The following ATG7 variants were observed in gnomAD, a reference collection of about 807,000 sequenced individuals.
ATG7 encodes autophagy related 7.
In ATG7, 70 loss-of-function variants were observed where a neutral mutation model predicts 82.4. The observed-to-expected ratio is 0.85, with a 90% confidence interval of 0.70 to 1.04. The LOEUF (loss-of-function observed/expected upper bound fraction) is 1.04. Ranked by LOEUF, ATG7 falls within the 50% of genes least tolerant of loss-of-function variation. ATG7 has a pLI of 0.00. For synonymous variants in ATG7, 287 were observed against 313.0 expected, an observed-to-expected ratio of 0.92 and a Z score of 0.88; for missense variants, 792 against 864.3, an observed-to-expected ratio of 0.92 and a Z score of 1.05.
intron 20 of ATG7, among the ~76,000 whole-genome samples, chr3:11,554,215 A>G (rs543770664): frequency 1.6e-4 from 24 of 151,980 alleles, no homozygotes; most frequent in Non-Finnish European, 2.6e-4. Context: ...GCATTGAGGG[A>G]CTGTGGCAGG....
chr3:11,276,893 C>G lies in ATG7; in HGVS notation c.-365-4101C>G, dbSNP rs142553168. 3.3e-5 allele frequency among the ~76,000 whole-genome samples: 5 copies of G among 152,306 alleles called. No homozygotes were observed. In the East Asian group the frequency reaches 9.6e-4, roughly 29 times the overall value. ...CCGAATCTCTCCTGAGTGCTACCCT[C>G]AAACTCAAACAAGTCTAAAACTAAG... On this transcript the variant is annotated intron_variant, in intron 1 of 20. Coordinates refer to ENST00000693202, the MANE Select transcript of ATG7 (RefSeq NM_001349232.2).
At chr3:11,570,676 C>A in the ATG7 span, among the ~76,000 whole-genome samples, 1 of 152,178 alleles carries the variant, frequency 6.6e-6, no homozygotes, top group African/African-American at 2.4e-5. Flanking sequence ...TGACTGGTGG[C>A]AAAGACTTTT....
chr3:11,286,282 A>T (rs548321460), intron 3 of ATG7, among the ~76,000 whole-genome samples: 35 of 152,334 alleles, frequency 2.3e-4, no homozygotes, highest in Non-Finnish European at 4.1e-4. Context: ...CTACTTTCAT[A>T]TGCAGTTGCA....
chr3:11,283,123 C>T (rs767654072), intron 3 of ATG7, among the ~76,000 whole-genome samples: 2 of 152,174 alleles, frequency 1.3e-5, no homozygotes, highest in African/African-American at 2.4e-5. Flanking sequence ...ACTGAGTGCT[C>T]GCTGCCCTTT....
chr3:11,542,474 G>C (rs2070911052), intron 20 of ATG7, among the ~76,000 whole-genome samples: 7 of 152,140 alleles, frequency 4.6e-5, no homozygotes, highest in Admixed American at 4.6e-4. Context: ...TTTCATATTT[G>C]CTTCTTAGCA....
intron 13 of ATG7, chr3:11,346,715 A>G (rs1301181998): frequency 2.2e-4 from 34 of 152,236 alleles, no homozygotes; most frequent in Admixed American, 2.2e-3. Flanking sequence ...AATACTTCAG[A>G]AATAAACATT....
chr3:11,310,178 T>A (rs1202740394), intron 7 of ATG7, among the ~76,000 whole-genome samples: 3 of 151,496 alleles, frequency 2.0e-5, no homozygotes, highest in African/African-American at 7.3e-5. Context: ...AAAAAAAAAA[T>A]ACTGTGGTAT....
intron 20 of ATG7, among the ~76,000 whole-genome samples, chr3:11,500,559 G>A (rs1466530790): frequency 6.6e-6 from 1 of 152,056 alleles, no homozygotes; most frequent in Non-Finnish European, 1.5e-5. Context: ...AAAATTCTAG[G>A]CCATGTAGAA....
chr3:11,399,839 G>A (rs1043085860), intron 19 of ATG7, among the ~76,000 whole-genome samples: 6 of 152,196 alleles, frequency 3.9e-5, no homozygotes, highest in Admixed American at 3.9e-4. Flanking sequence ...CTCCCAAAGT[G>A]CTGGGATTAC....
At chr3:11,517,396 C>G (rs2092314372) in intron 20 of ATG7, among the ~76,000 whole-genome samples, 2 of 151,738 alleles carry the variant, frequency 1.3e-5, no homozygotes, top group East Asian at 3.9e-4. Flanking sequence ...ACAGTAAGAT[C>G]ACTGGTTCAG....
At chr3:11,437,996 T>C (rs1438737107) in intron 20 of ATG7, among the ~76,000 whole-genome samples, 1 of 152,232 alleles carries the variant, frequency 6.6e-6, no homozygotes, top group African/African-American at 2.4e-5. Context: ...GCTGGTAATA[T>C]TATACTTAGA....
At chr3:11,456,300 T>C (rs1226468294) in intron 20 of ATG7, among the ~76,000 whole-genome samples, 1 of 152,238 alleles carries the variant, frequency 6.6e-6, no homozygotes, top group East Asian at 1.9e-4. Flanking sequence ...ATGCATGTTG[T>C]AGCATTATCA....
Position 11,555,083 on chromosome 3 carries a change from A to C in ATG7, c.*240A>C. ...GCCTTGGCCTTGCTATTGACCTGGGACTTGGTCCTCCATGCAGTTTTTATT... is the reference window on the plus strand; with the variant it reads ...GCCTTGGCCTTGCTATTGACCTGGGCCTTGGTCCTCCATGCAGTTTTTATT... On this transcript the variant is annotated 3_prime_UTR_variant, in exon 21 of 21. Coordinates refer to ENST00000693202, the MANE Select transcript of ATG7 (RefSeq NM_001349232.2). 1.9e-6 allele frequency: 1 copy of C among 530,944 alleles called. No individual in the cohort carries two copies. Among genetic ancestry groups the C allele is most frequent in the East Asian group, 3.2e-5 (1 of 31,092 alleles). The allele number at this position is 530,944 out of a possible 1,614,324, so 32.9% of individuals were successfully genotyped here. A position where few individuals can be genotyped will look rare whatever the true frequency, so the allele number is the denominator to read the frequency against.
chr3:11,461,980 G>A (rs1241021869), intron 20 of ATG7, among the ~76,000 whole-genome samples: 4 of 151,862 alleles, frequency 2.6e-5, no homozygotes, highest in Non-Finnish European at 4.4e-5. Flanking sequence ...GCAGTGAGCC[G>A]AGATCATGCC....
intron 18 of ATG7, among the ~76,000 whole-genome samples, chr3:11,374,870 C>T (rs929776273): frequency 5.2e-5 from 7 of 134,172 alleles, no homozygotes; most frequent in Admixed American, 1.7e-4. Context: ...CTCCACTACA[C>T]TCCAGCCTGG....
At chr3:11,376,818 A>C (rs1325299743) in intron 18 of ATG7, among the ~76,000 whole-genome samples, 1 of 152,104 alleles carries the variant, frequency 6.6e-6, no homozygotes, top group East Asian at 1.9e-4. Context: ...GGCTCACTGC[A>C]AGCTCCACCT....
chr3:11,275,593 C>T (rs935159429), intron 1 of ATG7, among the ~76,000 whole-genome samples: 7 of 148,958 alleles, frequency 4.7e-5, no homozygotes, highest in African/African-American at 7.5e-5. Flanking sequence ...CTCCTGACCT[C>T]GTGATCCGCC....
intron 18 of ATG7, among the ~76,000 whole-genome samples, chr3:11,373,116 C>T (rs2077149385): frequency 6.6e-6 from 1 of 150,670 alleles, no homozygotes; most frequent in African/African-American, 2.5e-5. Flanking sequence ...GAGAAACTGA[C>T]AACAAATAGG....
chr3:11,520,471 G>C (rs1276126581), intron 20 of ATG7, among the ~76,000 whole-genome samples: 5 of 152,204 alleles, frequency 3.3e-5, no homozygotes, highest in African/African-American at 1.2e-4. Context: ...CTAACCAGTA[G>C]CTATTATGGC....
Sources: allele counts gnomAD v4.1 joint callset (sites outside exome capture counted in the v4.1 genomes callset), GRCh38; gene constraint gnomAD v4.1.1; transcripts MANE v1.5; gene names NCBI Gene and HGNC (gene_info 2026-07-23, HGNC 2026-07-21).